GTF2E2: variants seen among roughly 807,000 people sequenced by gnomAD.
GTF2E2 encodes transcription initiation factor IIE subunit beta.
Under a neutral mutation model 40.5 loss-of-function variants are expected in GTF2E2, and 21 were observed. The observed-to-expected ratio is 0.52, with a 90% CI of 0.37 to 0.75. GTF2E2 has a LOEUF of 0.75. Ranked by LOEUF, GTF2E2 falls within the 30% of genes least tolerant of loss-of-function variation. The pLI is 0.00. For synonymous variants in GTF2E2, 117 were observed against 121.6 expected, an observed-to-expected ratio of 0.96 and a Z score of 0.25; for missense variants, 298 against 338.4, an observed-to-expected ratio of 0.88 and a Z score of 0.94.
At chr8:30,633,334 A>G (rs1327829012) in intron 3 of GTF2E2, among the ~76,000 whole-genome samples, 1 of 152,182 alleles carries the variant, frequency 6.6e-6, no homozygotes, top group Non-Finnish European at 1.5e-5. Context: ...AAAATTCCCA[A>G]TCATTAAGGG....
At chr8:30,623,122 C>T (rs945335452) in intron 3 of GTF2E2, among the ~76,000 whole-genome samples, 1 of 152,044 alleles carries the variant, frequency 6.6e-6, no homozygotes, top group Non-Finnish European at 1.5e-5. Flanking sequence ...TAAAGAAAGG[C>T]ATAAGAAATT....
intron 3 of GTF2E2, among the ~76,000 whole-genome samples, chr8:30,620,228 A>T (rs1801046414): frequency 3.5e-5 from 1 of 28,566 alleles, no homozygotes; most frequent in Admixed American, 4.7e-4. Flanking sequence ...GGAAACTTAT[A>T]CACACACACA....
intron 3 of GTF2E2, among the ~76,000 whole-genome samples, chr8:30,615,037 G>C (rs1256766974): frequency 6.6e-6 from 1 of 151,776 alleles, no homozygotes; most frequent in Non-Finnish European, 1.5e-5. Context: ...CAGCACTCTG[G>C]GGGACTAAGG....
intron 2 of GTF2E2, among the ~76,000 whole-genome samples, chr8:30,651,013 C>A (rs867387427): frequency 6.7e-4 from 92 of 137,212 alleles, no homozygotes; most frequent in Middle Eastern, 3.8e-3. Flanking sequence ...GACTCCGTCT[C>A]AAAAAAAAAA....
chr8:30,648,174 A>T (rs569185612), intron 2 of GTF2E2, among the ~76,000 whole-genome samples: 2 of 152,268 alleles, frequency 1.3e-5, no homozygotes, highest in Admixed American at 6.5e-5. Flanking sequence ...GCCAAGAGGC[A>T]AGAGAGAATA....
At chr8:30,626,903 C>A (rs921584377) in intron 3 of GTF2E2, among the ~76,000 whole-genome samples, 2 of 152,318 alleles carry the variant, frequency 1.3e-5, no homozygotes, top group Middle Eastern at 3.4e-3. Context: ...AGCTACTGGA[C>A]AAGTCAAGGT....
At chr8:30,620,832 G>A (rs1017218629) in intron 3 of GTF2E2, among the ~76,000 whole-genome samples, 4 of 151,908 alleles carry the variant, frequency 2.6e-5, no homozygotes, top group Non-Finnish European at 4.4e-5. Flanking sequence ...AAGAGGCTGA[G>A]GCAGGAGAAT....
At chr8:30,644,285 T>C (rs1399734933) in intron 2 of GTF2E2, among the ~76,000 whole-genome samples, 1 of 152,206 alleles carries the variant, frequency 6.6e-6, no homozygotes, top group African/African-American at 2.4e-5. Flanking sequence ...AATGGAATAA[T>C]AACTGATACC....
chr8:30,624,072 A>G (rs1034791413), intron 3 of GTF2E2, among the ~76,000 whole-genome samples: 3 of 152,134 alleles, frequency 2.0e-5, no homozygotes, highest in Non-Finnish European at 2.9e-5. Flanking sequence ...TGTTTTAGAC[A>G]TGAAGTCCTT....
At chr8:30,626,293 T>C (rs2151140351) in intron 3 of GTF2E2, among the ~76,000 whole-genome samples, 1 of 152,314 alleles carries the variant, frequency 6.6e-6, no homozygotes, top group East Asian at 1.9e-4. Context: ...GAGACCATCC[T>C]GGCCAACATG....
intron 2 of GTF2E2, chr8:30,636,936 C>A: frequency 2.3e-6 from 1 of 443,056 alleles, no homozygotes; most frequent in South Asian, 1.6e-5. Context: ...CTACGTAGTT[C>A]ATTCTCCCAA....
At chr8:30,632,606 CTGAATA>C (rs1801472622) in intron 3 of GTF2E2, among the ~76,000 whole-genome samples, 1 of 152,112 alleles carries the variant, frequency 6.6e-6, no homozygotes, top group Admixed American at 6.5e-5. Flanking sequence ...TCAACTGCTT[CTGAATA>C]TATCAGATTT....
At chr8:30,627,468 A>C (rs974637382) in intron 3 of GTF2E2, among the ~76,000 whole-genome samples, 7 of 151,146 alleles carry the variant, frequency 4.6e-5, no homozygotes, top group Admixed American at 1.3e-4. Flanking sequence ...AAAAAAAAAA[A>C]AAACTCAGGA....
chr8:30,637,424 A>G (rs1278050679), intron 2 of GTF2E2: 2 of 385,410 alleles, frequency 5.2e-6, no homozygotes, highest in South Asian at 4.0e-5. Context: ...CACTCAATAA[A>G]TATTTGTTGA....
At position 30,653,504 on chromosome 8, in the gene GTF2E2, G is replaced by A; in HGVS notation, c.95C>T (p.Ser32Leu). 6.2e-7 allele frequency: 1 copy of A among 1,613,450 alleles called. No homozygotes were observed. The highest frequency in any genetic ancestry group is 8.5e-7 in the Non-Finnish European group (1 of 1,179,390). The stretch of plus-strand genomic sequence containing the variant: ...TTTCTTCTTCTTTGACGATGATGAT[G>A]ATGACTCAGAAGATGCTGAACGTTT... ...VEKRSASSES[S>L]SSSSKKKKTK... Residue 32 changes from serine to leucine, a missense_variant, in exon 2 of 8, where the codon TCA (serine) becomes TTA (leucine). Coordinates refer to ENST00000355904, the MANE Select transcript of GTF2E2 (RefSeq NM_002095.6).
At chr8:30,593,920 T>C (rs1453400399) in intron 6 of GTF2E2, among the ~76,000 whole-genome samples, 3 of 151,540 alleles carry the variant, frequency 2.0e-5, no homozygotes, top group Non-Finnish European at 4.4e-5. Flanking sequence ...CCTGTCTATA[T>C]TTATTTTTTA....
intron 3 of GTF2E2, among the ~76,000 whole-genome samples, chr8:30,618,209 A>G (rs1189344395): frequency 1.6e-5 from 2 of 124,760 alleles, no homozygotes; most frequent in Admixed American, 2.0e-4. Context: ...AGGAAGGAGA[A>G]TCGCTTCAAC....
intron 3 of GTF2E2, among the ~76,000 whole-genome samples, chr8:30,615,611 G>A (rs892688652): frequency 2.9e-4 from 44 of 152,104 alleles, no homozygotes; most frequent in African/African-American, 8.7e-4. Flanking sequence ...AAATTAATAA[G>A]TTAAAAAACA....
chr8:30,635,973 G>C (rs1449622827), intron 2 of GTF2E2, among the ~76,000 whole-genome samples: 8 of 152,102 alleles, frequency 5.3e-5, no homozygotes, highest in Admixed American at 5.2e-4. Flanking sequence ...AAAAGCCACA[G>C]GCACTGCCAC....
Sources: allele counts gnomAD v4.1 joint callset (sites outside exome capture counted in the v4.1 genomes callset), GRCh38; gene constraint gnomAD v4.1.1; transcripts MANE v1.5; gene names NCBI Gene and HGNC (gene_info 2026-07-23, HGNC 2026-07-21).